Variants in EPB41 observed in about 807,000 individuals in gnomAD.
EPB41 encodes the protein protein 4.1.
A neutral mutation model predicts 108.0 loss-of-function variants in EPB41; 65 were observed. The observed-to-expected ratio is 0.60, with a 90% CI of 0.49 to 0.74. The LOEUF (loss-of-function observed/expected upper bound fraction) is 0.74, where lower values mean the gene tolerates loss of function less well. Among genes scored for constraint, EPB41 ranks in the 30% least tolerant of loss-of-function variants. The probability of loss-of-function intolerance (pLI) is 0.00; values close to 1 mark genes in which losing one functional copy is unlikely to be tolerated. For missense variants in EPB41, 875 were observed against 1,037.0 expected, an observed-to-expected ratio of 0.84 and a Z score of 2.15; for synonymous variants, 336 against 358.9, an observed-to-expected ratio of 0.94 and a Z score of 0.72.
chr1:29,022,071 T>C (rs2096653143), intron 7 of EPB41, among the ~76,000 whole-genome samples: 2 of 152,196 alleles, frequency 1.3e-5, no homozygotes, highest in African/African-American at 4.8e-5. Context: ...TGGAAAACTT[T>C]TATATATCCC....
At chr1:28,978,415 A>C (rs2095658329) in intron 1 of EPB41, among the ~76,000 whole-genome samples, 1 of 151,500 alleles carries the variant, frequency 6.6e-6, no homozygotes, top group South Asian at 2.1e-4. Flanking sequence ...CCAAAATCAC[A>C]ATCACAGGGT....
In EPB41 at chr1:29,112,388, A is replaced by G. The variant is rs2151723331; in HGVS notation, c.2436A>G (p.Ser812=). The G allele has an allele frequency of 6.2e-7, 1 of 1,613,732 alleles. No homozygotes were observed. The highest frequency in any genetic ancestry group is 8.5e-7 in the Non-Finnish European group (1 of 1,179,812). The part of the protein sequence containing the change: ...QITKTVKGGI[S]ETRIEKRIVI... ...TCCAGACTGTAAAAGGTGGGATTTC[A>G]GAGACACGTATTGAAAAGAGAATTG... Residue 812 remains serine (S), a synonymous_variant, in exon 19 of 21, where the codon TCA becomes TCG. Coordinates refer to ENST00000343067, the MANE Select transcript of EPB41 (RefSeq NM_001376013.1).
chr1:29,002,064 G>A (rs1457878675), intron 4 of EPB41, among the ~76,000 whole-genome samples: 2 of 152,080 alleles, frequency 1.3e-5, no homozygotes, highest in African/African-American at 2.4e-5. Context: ...TTTTCTCATT[G>A]GTAAAATGGG....
At chr1:29,008,292 T>C (rs2096442744) in intron 4 of EPB41, among the ~76,000 whole-genome samples, 1 of 152,208 alleles carries the variant, frequency 6.6e-6, no homozygotes, top group Non-Finnish European at 1.5e-5. Context: ...TTTTTTTTCC[T>C]CTGTCCCATA....
At chr1:28,935,958 A>G (rs747043500) in intron 1 of EPB41, among the ~76,000 whole-genome samples, 3 of 151,024 alleles carry the variant, frequency 2.0e-5, no homozygotes, top group Non-Finnish European at 2.9e-5. Context: ...ATTATTGCTT[A>G]TCTGATCAAA....
At chr1:28,946,145 T>TAA (rs148103888) in intron 1 of EPB41, among the ~76,000 whole-genome samples, 6 of 148,718 alleles carry the variant, frequency 4.0e-5, no homozygotes, top group African/African-American at 1.5e-4. Context: ...TCCTTTTTAC[T>TAA]AAAAAAAAAA....
intron 9 of EPB41, among the ~76,000 whole-genome samples, chr1:29,033,852 C>T (rs1558093139): frequency 6.6e-6 from 1 of 152,142 alleles, no homozygotes; most frequent in Non-Finnish European, 1.5e-5. Flanking sequence ...TTAAAAAGTT[C>T]TGACTTCTTT....
rs150835844 is a variant in EPB41 at position 29,033,108 on chromosome 1, G to T, written c.1228G>T (p.Asp410Tyr). ...LHKAKDLEGV[D>Y]IILGVCSSGL... is the part of the protein sequence containing the mutation. ...TCTTTTTCAGGACTTGGAAGGAGTA[G>T]ATATCATCCTAGGTGTCTGCTCTAG... Residue 410 changes from aspartate to tyrosine, a missense_variant, in exon 9 of 21, where the codon GAT becomes TAT. Asp to Tyr is a radical substitution (Grantham distance 160, BLOSUM62 -3). This residue lies in a region of EPB41 where 519 missense variants were observed against 627.3 expected (regional missense o/e 0.83). Transcript: ENST00000343067. The T allele has an allele frequency of 1.4e-4, 221 of 1,613,792 alleles. 1 individual carries two copies. Among genetic ancestry groups the T allele is most frequent in the Middle Eastern group, 3.3e-4 (2 of 6,080 alleles).
chr1:29,003,328 C>G (rs916934993), intron 4 of EPB41, among the ~76,000 whole-genome samples: 1 of 152,188 alleles, frequency 6.6e-6, no homozygotes, highest in Non-Finnish European at 1.5e-5. Context: ...TGAAGCACAG[C>G]GTGACAGAGT....
At chr1:29,061,217 G>A (rs1397261573) in intron 15 of EPB41, among the ~76,000 whole-genome samples, 1 of 151,984 alleles carries the variant, frequency 6.6e-6, no homozygotes, top group Non-Finnish European at 1.5e-5. Flanking sequence ...GGAGTTGTAA[G>A]ATTATTTTCC....
intron 17 of EPB41, among the ~76,000 whole-genome samples, chr1:29,104,783 C>G: frequency 6.6e-6 from 1 of 151,928 alleles, no homozygotes; most frequent in Non-Finnish European, 1.5e-5. Flanking sequence ...AGAAACAGGG[C>G]TTCGCCATGT....
intron 16 of EPB41, chr1:29,070,020 C>G (rs1407862475): frequency 5.8e-6 from 1 of 170,950 alleles, no homozygotes. Flanking sequence ...ATTGGCATTG[C>G]CCAATTAGTG....
chr1:28,922,169 C>T (rs181162369), intron 1 of EPB41, among the ~76,000 whole-genome samples: 33 of 151,340 alleles, frequency 2.2e-4, no homozygotes, highest in Non-Finnish European at 3.5e-4. Context: ...GGGGTTTCAC[C>T]GTGTTGGTTA....
intron 1 of EPB41, among the ~76,000 whole-genome samples, chr1:28,960,469 T>A (rs1420634686): frequency 1.3e-5 from 2 of 150,322 alleles, no homozygotes. Flanking sequence ...GGCTCATGCC[T>A]GTAATCCCAG....
chr1:28,985,364 CTTTTAGCTGGAGAGAGGGAAGAAAGACA>C (rs1357273390), intron 1 of EPB41, among the ~76,000 whole-genome samples: 9 of 151,894 alleles, frequency 5.9e-5, no homozygotes, highest in African/African-American at 1.5e-4. Flanking sequence ...CCTTATAGAA[CTTTTAGCTGGAGAGAGGGAAGAAAGACA>C]TTTTAGCTGG....
At position 29,043,486 on chromosome 1, in the gene EPB41, A is replaced by G. The variant is rs148425388; in HGVS notation, c.1636+4060A>G. On this transcript the variant is annotated intron_variant, in intron 11 of 20. Transcript: ENST00000343067. ...TTCAGCAGCCAATAGCTGCTAAGCT[A>G]AGAACTTGAAATGTGGCTATGTGCC... is the stretch of plus-strand genomic sequence containing the variant. 3.1e-3 allele frequency among the ~76,000 whole-genome samples: 467 copies of G among 152,354 alleles called. 3 individuals carry two copies. Among genetic ancestry groups the G allele is most frequent in the African/African-American group, 0.011 (442 of 41,584 alleles).
chr1:28,949,853 C>T (rs1313668616), intron 1 of EPB41, among the ~76,000 whole-genome samples: 2 of 152,088 alleles, frequency 1.3e-5, no homozygotes, highest in Non-Finnish European at 2.9e-5. Flanking sequence ...GTGCCCGCCT[C>T]GGCCTCCCAA....
At chr1:29,036,213 G>T (rs1175515786) in intron 10 of EPB41, among the ~76,000 whole-genome samples, 1 of 151,002 alleles carries the variant, frequency 6.6e-6, no homozygotes, top group Non-Finnish European at 1.5e-5. Flanking sequence ...GCTAAAGTCA[G>T]TCCGATTAAG....
chr1:29,101,261 T>C (rs1011731113), intron 17 of EPB41, among the ~76,000 whole-genome samples: 1 of 151,814 alleles, frequency 6.6e-6, no homozygotes, highest in Non-Finnish European at 1.5e-5. Context: ...AGAAATAGAA[T>C]TTGTATCCTA....
Sources: gnomAD v4.1 joint callset for allele counts (sites outside exome capture counted in the v4.1 genomes callset) on GRCh38, gnomAD v4.1.1 for gene constraint, gnomAD v4.1.1 regional missense constraint, MANE v1.5 for transcripts, NCBI Gene and HGNC (gene_info 2026-07-23, HGNC 2026-07-21) for gene names.